The following DEF8 variants were observed in gnomAD, a reference collection of about 807,000 sequenced individuals.
The protein encoded by DEF8 is differentially expressed in FDCP 8 homolog.
Under a neutral mutation model 59.1 loss-of-function variants are expected in DEF8, and 38 were observed. That is an observed-to-expected ratio of 0.64 (90% CI 0.50 to 0.84). The LOEUF is 0.84. DEF8 is among the 40% of genes least tolerant of loss of function. The pLI is 0.00. For synonymous variants in DEF8, 265 were observed against 250.1 expected, an observed-to-expected ratio of 1.06 and a Z score of -0.56; for missense variants, 557 against 615.2, an observed-to-expected ratio of 0.91 and a Z score of 1.00.
In DEF8 at chr16:89,964,063, C is replaced by T. The variant is rs770673784; in HGVS notation, c.1003-107C>T. 2.3e-5 allele frequency: 34 copies of T among 1,455,044 alleles called. 1 individual carries two copies. In the South Asian group the frequency reaches 3.9e-4, roughly 17 times the overall value. 90.1% of individuals were successfully genotyped at this position (1,455,044 alleles called of 1,614,324 possible). A position where few individuals can be genotyped will look rare whatever the true frequency, so the allele number is the denominator to read the frequency against. ...TCCTGGGGCCCAGACCCTTGTGTAG[C>T]TCGTTTCTCTGTGAGCACCTGGGCC... On this transcript the variant is annotated intron_variant, in intron 10 of 12. Coordinates refer to ENST00000563594, the MANE Select transcript of DEF8 (RefSeq NM_001242818.2).
chr16:89,960,289 G>C (rs1191762095), intron 6 of DEF8, among the ~76,000 whole-genome samples: 1 of 152,168 alleles, frequency 6.6e-6, no homozygotes, highest in Non-Finnish European at 1.5e-5. Context: ...GGTAGGTGGT[G>C]GGAGTGAGGA....
Position 89,961,753 on chromosome 16 carries a change from G to T in DEF8, c.696G>T (p.Glu232Asp). The T allele has an allele frequency of 6.2e-7, 1 of 1,613,502 alleles. No individual in the cohort carries two copies. Among genetic ancestry groups the T allele is most frequent in the Non-Finnish European group, 8.5e-7 (1 of 1,179,992 alleles). ...ACCCTGCAGGGGGTGTGCCCAGTGA[G>T]GCCAGGCAGTGCGACTACACCGGCC... ...APISLRGVPS[E>D]ARQCDYTGQY... Residue 232 changes from glutamate (E) to aspartate (D), a missense_variant, in exon 8 of 13, where the codon GAG (glutamate) becomes GAT (aspartate). Glu to Asp is a conservative substitution (Grantham distance 45). Coordinates refer to ENST00000563594, the MANE Select transcript of DEF8 (RefSeq NM_001242818.2).
Position 89,948,808 on chromosome 16 carries a change from C to G in DEF8, c.-114C>G, listed in dbSNP as rs1192641087. 3 of 977,674 alleles carry G rather than the reference C, an allele frequency of 3.1e-6. No homozygotes were observed. Among genetic ancestry groups the G allele is most frequent in the Non-Finnish European group, 3.6e-6 (3 of 828,046 alleles). 60.6% of individuals were successfully genotyped at this position (977,674 alleles called of 1,614,324 possible). A position where few individuals can be genotyped will look rare whatever the true frequency, so the allele number is the denominator to read the frequency against. ...CAGCCGGGAGACAGATGCGAGGCGG[C>G]GGTCAGGTGAGCGGCGCGGGGCCGG... On this transcript the variant is annotated 5_prime_UTR_variant, in exon 1 of 13. Coordinates refer to ENST00000563594, the MANE Select transcript of DEF8 (RefSeq NM_001242818.2).
At chr16:89,955,388 C>G in intron 4 of DEF8, 122 bp downstream of exon 4, 2 of 784,986 alleles carry the variant, frequency 2.5e-6, no homozygotes, top group East Asian at 2.6e-5. Flanking sequence ...GGGGTACAGT[C>G]TCACTCCATT....
In DEF8 at chr16:89,949,528, G is replaced by T; in HGVS notation, c.-11+15G>T. On this transcript the variant is annotated intron_variant, in intron 2 of 12. Transcript: ENST00000563594. Reference sequence around the variant, plus strand: ...AGGCGATGCAGGTATGGGCAGACAGGACGCTGTTGACTCCGCACACCGGGG... The same window carrying T: ...AGGCGATGCAGGTATGGGCAGACAGTACGCTGTTGACTCCGCACACCGGGG... 1 of 1,613,416 alleles carries T rather than the reference G, an allele frequency of 6.2e-7. No homozygotes were observed.
At chr16:89,962,950 G>A (rs1012027318) in intron 9 of DEF8, among the ~76,000 whole-genome samples, 3 of 152,220 alleles carry the variant, frequency 2.0e-5, no homozygotes, top group African/African-American at 7.2e-5. Flanking sequence ...CTGCAGTCCT[G>A]GCAGGACATG....
chr16:89,955,757 G>A (rs1157009778), intron 4 of DEF8, among the ~76,000 whole-genome samples: 1 of 152,294 alleles, frequency 6.6e-6, no homozygotes, highest in East Asian at 1.9e-4. Flanking sequence ...GAAGAAAAGG[G>A]GGAGGATATA....
chr16:89,957,534 C>G lies in DEF8; in HGVS notation c.246C>G (p.Val82=). 1 of 1,592,076 alleles carries G rather than the reference C, an allele frequency of 6.3e-7. No individual in the cohort carries two copies. The highest frequency in any genetic ancestry group is 8.5e-7 in the Non-Finnish European group (1 of 1,169,636). Residue 82 remains valine, a synonymous_variant, in exon 5 of 13, where the codon GTC becomes GTG. Transcript: ENST00000563594. ...RPVGLFLASD[V]QQLRQAIEEC... is the part of the protein sequence containing the mutation. ...AGGGTCTGTTCCTGGCCTCTGACGT[C>G]CAGCAGCTGCGGCAGGCGATCGAGG...
chr16:89,962,229 C>A, intron 9 of DEF8, 104 bp downstream of exon 9: 2 of 1,072,992 alleles, frequency 1.9e-6, no homozygotes, highest in South Asian at 1.4e-5. Flanking sequence ...AGGTTCTGAG[C>A]AGAGGAGGGA....
At chr16:89,949,192 C>A (rs903132795) in intron 1 of DEF8, among the ~76,000 whole-genome samples, 1 of 151,716 alleles carries the variant, frequency 6.6e-6, no homozygotes, top group African/African-American at 2.4e-5. Flanking sequence ...CCCGGGGACG[C>A]CGCCGCTGCT....
chr16:89,957,478 GC>G, intron 4 of DEF8, 32 bp from the exon 5 acceptor site: 23 of 1,555,770 alleles, frequency 1.5e-5, no homozygotes, highest in Non-Finnish European at 2.0e-5. Flanking sequence ...TGCAGGATGG[GC>G]CTTTGACTGC....
chr16:89,949,633 G>T (rs199997286), intron 2 of DEF8, 120 bp downstream of exon 2: 4 of 1,610,458 alleles, frequency 2.5e-6, no homozygotes, highest in Non-Finnish European at 3.4e-6. Flanking sequence ...GGACGCGGGA[G>T]GCCAGGTCCG....
In DEF8 at chr16:89,967,228, C is replaced by T. The variant is rs1454386283; in HGVS notation, c.*1265C>T. 34 of 398,592 alleles carry T rather than the reference C, an allele frequency of 8.5e-5. No individual in the cohort carries two copies. Among genetic ancestry groups the T allele is most frequent in the Non-Finnish European group, 2.2e-5 (5 of 226,178 alleles). 24.7% of individuals were successfully genotyped at this position (398,592 alleles called of 1,614,324 possible). On this transcript the variant is annotated 3_prime_UTR_variant, in exon 13 of 13. Transcript: ENST00000563594. ...TGGACTGTGCTTGGCTGTTGGTGCACATGGTTGGCACACGGTGGGCAGAGG... is the reference window on the plus strand; with the variant it reads ...TGGACTGTGCTTGGCTGTTGGTGCATATGGTTGGCACACGGTGGGCAGAGG...
intron 9 of DEF8, 34 bp from the exon 10 acceptor site, chr16:89,963,329 T>A (rs1375846485): frequency 3.8e-5 from 61 of 1,603,682 alleles, no homozygotes; most frequent in Non-Finnish European, 5.0e-5. Flanking sequence ...GTGTCCTGGC[T>A]GAGGAGGCCT....
chr16:89,949,831 C>G (rs893398411), intron 2 of DEF8, among the ~76,000 whole-genome samples: 2 of 152,210 alleles, frequency 1.3e-5, no homozygotes, highest in African/African-American at 2.4e-5. Flanking sequence ...CCGCTCCTTT[C>G]TGAGGCCAAG....
rs1439071059 is a variant in DEF8, at chr16:89,966,690, A to G, written c.*727A>G. On this transcript the variant is annotated 3_prime_UTR_variant, in exon 13 of 13. Coordinates refer to ENST00000563594, the MANE Select transcript of DEF8 (RefSeq NM_001242818.2). ...GGGTGCTCCTGCTTTGGCCCAGCCCACCTTTCCTGGTGCTCCAAGCTAGGA... is the reference window on the plus strand; with the variant it reads ...GGGTGCTCCTGCTTTGGCCCAGCCCGCCTTTCCTGGTGCTCCAAGCTAGGA... The G allele has an allele frequency of 6.6e-6, 1 of 152,562 alleles. No homozygotes were observed. 9.5% of individuals were successfully genotyped at this position (152,562 alleles called of 1,614,324 possible).
intron 2 of DEF8, among the ~76,000 whole-genome samples, chr16:89,951,292 T>C (rs1002011133): frequency 6.6e-6 from 1 of 152,054 alleles, no homozygotes; most frequent in Non-Finnish European, 1.5e-5. Flanking sequence ...AGTCTCACTC[T>C]GTCACCCAAG....
chr16:89,957,551 C>T lies in DEF8; in HGVS notation c.263C>T (p.Ala88Val), dbSNP rs554253945. 3.8e-6 allele frequency: 6 copies of T among 1,592,626 alleles called. No individual in the cohort carries two copies. Among genetic ancestry groups the T allele is most frequent in the South Asian group, 1.1e-5 (1 of 87,996 alleles). ...TCTGACGTCCAGCAGCTGCGGCAGGCGATCGAGGAGTGCAAGCAGGTGATT... is the reference window on the plus strand; with the variant it reads ...TCTGACGTCCAGCAGCTGCGGCAGGTGATCGAGGAGTGCAAGCAGGTGATT... ...LASDVQQLRQ[A>V]IEECKQVILE... The change falls in exon 5 of 13, where the codon GCG (alanine) becomes GTG (valine). Residue 88 changes from alanine to valine, a missense_variant. By Grantham distance (64) the Ala-to-Val change is moderately conservative (BLOSUM62 0). Coordinates refer to ENST00000563594, the MANE Select transcript of DEF8 (RefSeq NM_001242818.2).
intron 5 of DEF8, chr16:89,958,342 G>C (rs779895061): frequency 3.2e-5 from 5 of 154,392 alleles, no homozygotes; most frequent in African/African-American, 9.6e-5. Flanking sequence ...GTTCCTCCCT[G>C]AGTGAGCCAC....
Sources: allele counts gnomAD v4.1 joint callset (sites outside exome capture counted in the v4.1 genomes callset), GRCh38; gene constraint gnomAD v4.1.1; transcripts MANE v1.5; gene names NCBI Gene and HGNC (gene_info 2026-07-23, HGNC 2026-07-21).